Variants in COL22A1 observed in about 807,000 individuals in gnomAD.
COL22A1 encodes collagen alpha-1(XXII) chain.
COL22A1 carries 221 observed loss-of-function variants against 248.9 expected under a neutral mutation model. That is an observed-to-expected ratio of 0.89 (90% CI 0.80 to 0.99). The LOEUF (loss-of-function observed/expected upper bound fraction) is 0.99. Among genes scored for constraint, COL22A1 ranks in the 50% least tolerant of loss-of-function variants. COL22A1 has a pLI of 0.00. For synonymous variants in COL22A1, 891 were observed against 793.4 expected (o/e 1.12, Z -2.07); for missense variants, 2,240 against 2,179.0 (o/e 1.03, Z -0.56).
At chr8:138,660,526 T>C (rs1217907743) in intron 43 of COL22A1, 46 bp from the exon 44 acceptor site, 2 of 1,567,782 alleles carry the variant, frequency 1.3e-6, no homozygotes, top group Admixed American at 1.7e-5. Context: ...AAGCACACGA[T>C]CCTGACCCAC....
At chr8:138,886,228 G>C (rs1824655100) in intron 1 of COL22A1, among the ~76,000 whole-genome samples, 1 of 152,158 alleles carries the variant, frequency 6.6e-6, no homozygotes, top group South Asian at 2.1e-4. Flanking sequence ...GATCTGGCAG[G>C]GGTCCCAGGC....
chr8:138,724,597 A>T lies in COL22A1; in HGVS notation c.2247+18T>A, dbSNP rs966208716. On this transcript the variant is annotated intron_variant, in intron 25 of 64. Coordinates refer to ENST00000303045, the MANE Select transcript of COL22A1 (RefSeq NM_152888.3). ...GGAGAGGGAGGAGGGGAGCAGGAAG[A>T]TGTTTCCGAACACTCACCGTGGGCC... The T allele has an allele frequency of 6.2e-7, 1 of 1,612,994 alleles. No homozygotes were observed. The highest frequency in any genetic ancestry group is 8.5e-7 in the Non-Finnish European group (1 of 1,179,214).
chr8:138,625,236 A>G (rs56167443), intron 51 of COL22A1, among the ~76,000 whole-genome samples: 11,729 of 152,222 alleles, frequency 0.077, 503 homozygotes, highest in African/African-American at 0.12. Flanking sequence ...GATCGAAGGC[A>G]TCTACTAACG....
chr8:138,759,698 C>T (rs999830874), intron 18 of COL22A1, among the ~76,000 whole-genome samples: 2 of 152,146 alleles, frequency 1.3e-5, no homozygotes, highest in Admixed American at 1.3e-4. Context: ...TTCTTAGCAG[C>T]AAATTTACTT....
In COL22A1 at chr8:138,787,345, G is replaced by A. The variant is rs534066297; in HGVS notation, c.1597-6365C>T. On this transcript the variant is annotated intron_variant, in intron 12 of 64. Transcript: ENST00000303045. ...AGAAGGGAAAAAAAGCCTAGGCTGG[G>A]AGGAGAGGGTCTGATCTGCATGCAG... Among the ~76,000 whole-genome samples, 3 of 152,336 alleles carry A rather than the reference G, an allele frequency of 2.0e-5. No individual in the cohort carries two copies. The South Asian group carries it at 6.2e-4, about 32-fold the overall frequency.
At chr8:138,825,377 A>C (rs144337224) in intron 6 of COL22A1, among the ~76,000 whole-genome samples, 446 of 152,308 alleles carry the variant, frequency 2.9e-3, no homozygotes, top group African/African-American at 1.0e-2. Context: ...TATGGTTAAA[A>C]GCACAGATGT....
At chr8:138,637,796 A>T (rs1451116899) in intron 47 of COL22A1, among the ~76,000 whole-genome samples, 1 of 150,724 alleles carries the variant, frequency 6.6e-6, no homozygotes, top group Non-Finnish European at 1.5e-5. Context: ...AGCTATCATC[A>T]TTCTCATTGT....
chr8:138,763,466 T>C (rs974975232), intron 16 of COL22A1, among the ~76,000 whole-genome samples: 10 of 152,294 alleles, frequency 6.6e-5, no homozygotes, highest in African/African-American at 2.2e-4. Context: ...AGTGAGTCAG[T>C]GCCATCGTCT....
intron 3 of COL22A1, among the ~76,000 whole-genome samples, chr8:138,864,999 C>T (rs932064415): frequency 1.3e-5 from 2 of 152,232 alleles, no homozygotes; most frequent in Non-Finnish European, 2.9e-5. Context: ...TCCACCCCTT[C>T]AGCCATTTAT....
intron 52 of COL22A1, chr8:138,620,281 G>C (rs1373535034): frequency 6.6e-6 from 1 of 152,178 alleles, no homozygotes; most frequent in Non-Finnish European, 1.5e-5. Context: ...GGGGCAGCAA[G>C]CTGGGCCTGG....
rs549894681 is a variant in COL22A1 at position 138,661,290 on chromosome 8, A to G, written c.3240+740T>C. ...AACCTTCTCTTTGGAAACAGAACCCAAGGAAGAGAAGGACATTTTGTTGTT... is the reference window on the plus strand; with the variant it reads ...AACCTTCTCTTTGGAAACAGAACCCGAGGAAGAGAAGGACATTTTGTTGTT... On this transcript the variant is annotated intron_variant, in intron 43 of 64. Transcript: ENST00000303045. Among the ~76,000 whole-genome samples, 56 of 152,344 alleles carry G rather than the reference A, an allele frequency of 3.7e-4. 2 individuals carry two copies. Among genetic ancestry groups the G allele is most frequent in the African/African-American group, 1.3e-3 (56 of 41,578 alleles).
At chr8:138,724,782 G>A (rs1830172561) in intron 24 of COL22A1, 114 bp from the exon 25 acceptor site, 2 of 941,056 alleles carry the variant, frequency 2.1e-6, no homozygotes, top group Admixed American at 3.7e-5. Flanking sequence ...GGGCACCCTG[G>A]GGCCTCTACT....
chr8:138,662,010 C>A lies in COL22A1; in HGVS notation c.3240+20G>T. ...CATGTAAGGGCCTTCACTGAGTCCA[C>A]GCCATTTCTCTGTACTTACGTCCCG... On this transcript the variant is annotated intron_variant, in intron 43 of 64. Coordinates refer to ENST00000303045, the MANE Select transcript of COL22A1 (RefSeq NM_152888.3). 6.2e-7 allele frequency: 1 copy of A among 1,604,504 alleles called. No homozygotes were observed. The highest frequency in any genetic ancestry group is 8.5e-7 in the Non-Finnish European group (1 of 1,173,966).
intron 1 of COL22A1, among the ~76,000 whole-genome samples, chr8:138,897,200 G>C (rs1825480868): frequency 6.6e-6 from 1 of 152,052 alleles, no homozygotes; most frequent in Non-Finnish European, 1.5e-5. Flanking sequence ...GAAGGAAGGA[G>C]ACATTTACTA....
At chr8:138,597,180 G>T (rs1817614420) in intron 61 of COL22A1, among the ~76,000 whole-genome samples, 1 of 152,110 alleles carries the variant, frequency 6.6e-6, no homozygotes, top group African/African-American at 2.4e-5. Context: ...CAGCAACCCG[G>T]ACTCTGGGCT....
intron 30 of COL22A1, among the ~76,000 whole-genome samples, chr8:138,712,430 C>T (rs1293742181): frequency 6.6e-6 from 1 of 152,168 alleles, no homozygotes; most frequent in African/African-American, 2.4e-5. Flanking sequence ...CAGGGTGGGA[C>T]TCCCAACCCT....
At position 138,826,666 on chromosome 8, in the gene COL22A1, T is replaced by TA; in HGVS notation, c.960_961insT (p.Ile321TyrfsTer11). On this transcript the variant is annotated frameshift_variant, in exon 6 of 65. Coordinates refer to ENST00000303045, the MANE Select transcript of COL22A1 (RefSeq NM_152888.3). LOFTEE classifies it high-confidence loss of function. ...GCATCTGCTGCCCTTACCTGTGGGA[T>TA]GCTGTACTGGTCGATGACCTGCCAG... The TA allele has an allele frequency of 6.2e-7, 1 of 1,613,880 alleles. No homozygotes were observed. The highest frequency in any genetic ancestry group is 8.5e-7 in the Non-Finnish European group (1 of 1,179,896).
At chr8:138,618,375 C>A (rs184457674) in intron 53 of COL22A1, among the ~76,000 whole-genome samples, 1 of 152,202 alleles carries the variant, frequency 6.6e-6, no homozygotes, top group Non-Finnish European at 1.5e-5. Context: ...CTAACCTCAG[C>A]TCTTTCATTA....
At chr8:138,687,507 T>C (rs966861801) in intron 37 of COL22A1, among the ~76,000 whole-genome samples, 4 of 152,194 alleles carry the variant, frequency 2.6e-5, no homozygotes, top group African/African-American at 9.6e-5. Context: ...TGTTAAGAAG[T>C]TTGGCCAGGT....
Sources: gnomAD v4.1 joint callset for allele counts (sites outside exome capture counted in the v4.1 genomes callset) on GRCh38, gnomAD v4.1.1 for gene constraint, MANE v1.5 for transcripts, NCBI Gene and HGNC (gene_info 2026-07-23, HGNC 2026-07-21) for gene names.